NT5C2: variants seen among roughly 807,000 people sequenced by gnomAD.
NT5C2 encodes 5'-nucleotidase, cytosolic II.
Under a neutral mutation model 76.1 loss-of-function variants are expected in NT5C2, and 58 were observed. That is an observed-to-expected ratio of 0.76 (90% confidence interval 0.62 to 0.95). The LOEUF is 0.95. Among genes scored for constraint, NT5C2 ranks in the 40% least tolerant of loss-of-function variants. NT5C2 has a pLI of 0.00. For missense variants in NT5C2, 478 were observed against 690.3 expected (o/e 0.69, Z 3.45); for synonymous variants, 229 against 237.4 (o/e 0.96, Z 0.32).
chr10:103,172,044 T>C (rs1398562019), intron 3 of NT5C2, among the ~76,000 whole-genome samples: 1 of 151,824 alleles, frequency 6.6e-6, no homozygotes, highest in East Asian at 2.0e-4. Flanking sequence ...ACCCTGTCTC[T>C]ACTAAAAATT....
At chr10:103,159,447 C>CCAG (rs1233053677) in intron 3 of NT5C2, among the ~76,000 whole-genome samples, 1 of 151,650 alleles carries the variant, frequency 6.6e-6, no homozygotes, top group African/African-American at 2.4e-5. Flanking sequence ...ATGAAAGACA[C>CCAG]CAGACTGGAC....
intron 3 of NT5C2, among the ~76,000 whole-genome samples, chr10:103,148,603 C>CA (rs61288291): frequency 1.5e-3 from 182 of 120,100 alleles, no homozygotes; most frequent in Admixed American, 2.0e-3. Flanking sequence ...GACTCCGTCT[C>CA]AAAAAAAAAA....
Position 103,098,914 on chromosome 10 carries a change from T to TC in NT5C2, c.687+16dup, listed in dbSNP as rs781491892. 1.9e-6 allele frequency: 3 copies of TC among 1,549,588 alleles called. No homozygotes were observed. On this transcript the variant is annotated intron_variant, in intron 10 of 18. Coordinates refer to ENST00000404739, the MANE Select transcript of NT5C2 (RefSeq NM_001351169.2). The stretch of plus-strand genomic sequence containing the variant: ...AATGAGCTATTATGCAGATCTATTT[T>TC]CCCCTATATTACTTACATCTTTGAC...
rs78604609 is a variant in NT5C2, at chr10:103,163,322, T to C, written c.101+11536A>G. ...AGGAGTGGGATTTCTGGGTCATTAATGTTAAGGTCTCTAACTTGATAAGAA... is the reference window on the plus strand; with the variant it reads ...AGGAGTGGGATTTCTGGGTCATTAACGTTAAGGTCTCTAACTTGATAAGAA... On this transcript the variant is annotated intron_variant, in intron 3 of 18. Transcript: ENST00000404739. 4.1e-3 allele frequency among the ~76,000 whole-genome samples: 618 copies of C among 152,350 alleles called. 20 individuals are homozygous for C. The East Asian group carries it at 0.072, about 18-fold the overall frequency.
At chr10:103,123,869 T>C (rs2076186202) in intron 4 of NT5C2, among the ~76,000 whole-genome samples, 1 of 152,092 alleles carries the variant, frequency 6.6e-6, no homozygotes, top group Non-Finnish European at 1.5e-5. Flanking sequence ...AAAAAAGTCA[T>C]TATGATTTCC....
At chr10:103,128,321 G>A (rs2135942388) in intron 4 of NT5C2, among the ~76,000 whole-genome samples, 1 of 149,392 alleles carries the variant, frequency 6.7e-6, no homozygotes, top group Admixed American at 6.6e-5. Flanking sequence ...GCCAACCTCG[G>A]CCTCCCGAGG....
chr10:103,105,362 T>A, intron 6 of NT5C2: 4 of 953,616 alleles, frequency 4.2e-6, no homozygotes, highest in Non-Finnish European at 5.5e-6. Context: ...ACATACCTCT[T>A]CTGAACAGCT....
chr10:103,168,692 C>T (rs773198315), intron 3 of NT5C2, among the ~76,000 whole-genome samples: 1 of 152,118 alleles, frequency 6.6e-6, no homozygotes, highest in African/African-American at 2.4e-5. Flanking sequence ...AACAGTCATA[C>T]ATTTTAAAGG....
intron 2 of NT5C2, among the ~76,000 whole-genome samples, chr10:103,177,357 C>T (rs1214147060): frequency 6.6e-6 from 1 of 152,122 alleles, no homozygotes; most frequent in African/African-American, 2.4e-5. Flanking sequence ...TTGAAGTTTT[C>T]ATCAGTAAGT....
chr10:103,182,917 C>T (rs1388499749), intron 1 of NT5C2, among the ~76,000 whole-genome samples: 1 of 152,046 alleles, frequency 6.6e-6, no homozygotes, highest in Non-Finnish European at 1.5e-5. Flanking sequence ...TCTTTGATAA[C>T]CCTAGTCCTT....
At chr10:103,190,801 C>A (rs1422956864) in intron 1 of NT5C2, among the ~76,000 whole-genome samples, 1 of 152,190 alleles carries the variant, frequency 6.6e-6, no homozygotes, top group African/African-American at 2.4e-5. Flanking sequence ...AACATTACAA[C>A]ACTTATTCAA....
intron 4 of NT5C2, among the ~76,000 whole-genome samples, chr10:103,124,632 C>A (rs1316603036): frequency 6.6e-6 from 1 of 151,936 alleles, no homozygotes; most frequent in Admixed American, 6.6e-5. Flanking sequence ...AAAAGTTTAT[C>A]CCTGCCACAC....
chr10:103,183,262 G>GATATGTATATAT (rs2091427482), intron 1 of NT5C2, among the ~76,000 whole-genome samples: 1 of 73,344 alleles, frequency 1.4e-5, no homozygotes, highest in African/African-American at 6.5e-5. Flanking sequence ...GTGTGTGTGT[G>GATATGTATATAT]ATATATATAT....
At chr10:103,166,061 G>C (rs1283513375) in intron 3 of NT5C2, among the ~76,000 whole-genome samples, 2 of 152,246 alleles carry the variant, frequency 1.3e-5, no homozygotes, top group African/African-American at 4.8e-5. Context: ...GAGATTTCAT[G>C]AACCCTTCAC....
intron 1 of NT5C2, among the ~76,000 whole-genome samples, chr10:103,183,280 T>TA: frequency 7.4e-6 from 1 of 134,960 alleles, no homozygotes; most frequent in South Asian, 2.3e-4. Context: ...TATATATATA[T>TA]ATATATATAT....
At chr10:103,145,733 A>T (rs2081356334) in intron 3 of NT5C2, among the ~76,000 whole-genome samples, 1 of 152,190 alleles carries the variant, frequency 6.6e-6, no homozygotes, top group Non-Finnish European at 1.5e-5. Flanking sequence ...GAGCATTAAC[A>T]TGAAAAACAA....
intron 4 of NT5C2, among the ~76,000 whole-genome samples, chr10:103,116,518 T>G (rs1225403748): frequency 2.0e-5 from 3 of 152,158 alleles, no homozygotes; most frequent in African/African-American, 7.2e-5. Context: ...TCGAAGTCTT[T>G]TATCAGCAAT....
intron 3 of NT5C2, among the ~76,000 whole-genome samples, chr10:103,169,746 C>T (rs986368827): frequency 3.9e-5 from 6 of 151,992 alleles, no homozygotes; most frequent in Admixed American, 6.6e-5. Context: ...TTTTGGAGGC[C>T]GAGGCAGGAG....
intron 4 of NT5C2, among the ~76,000 whole-genome samples, chr10:103,129,403 T>C (rs2077487797): frequency 1.0e-5 from 1 of 98,960 alleles, no homozygotes; most frequent in East Asian, 3.5e-4. Context: ...GAGGGGCGCC[T>C]CTGCCCGGCC....
Sources: allele counts gnomAD v4.1 joint callset (sites outside exome capture counted in the v4.1 genomes callset), GRCh38; gene constraint gnomAD v4.1.1; transcripts MANE v1.5; gene names NCBI Gene and HGNC (gene_info 2026-07-23, HGNC 2026-07-21).